The following ULK4 variants were observed in gnomAD, a reference collection of about 807,000 sequenced individuals.
ULK4 encodes unc-51 like kinase 4.
Under a neutral mutation model 160.6 loss-of-function variants are expected in ULK4, and 133 were observed. The ratio of observed to expected loss-of-function variants is 0.83; its 90% CI spans 0.72 to 0.96. The LOEUF (loss-of-function observed/expected upper bound fraction) is 0.96, where lower values mean the gene tolerates loss of function less well. ULK4 is among the 40% of genes least tolerant of loss of function. The pLI is 0.00. For synonymous variants in ULK4, 534 were observed against 539.8 expected (o/e 0.99, Z 0.15); for missense variants, 1,580 against 1,499.5 (o/e 1.05, Z -0.89).
intron 34 of ULK4, among the ~76,000 whole-genome samples, chr3:41,434,328 T>A (rs1173905646): frequency 6.6e-6 from 1 of 152,204 alleles, no homozygotes; most frequent in Non-Finnish European, 1.5e-5. Flanking sequence ...TATGTACTGA[T>A]ATGGAAATTT....
intron 35 of ULK4, among the ~76,000 whole-genome samples, chr3:41,273,571 T>A (rs542525284): frequency 7.2e-5 from 11 of 152,292 alleles, no homozygotes; most frequent in Middle Eastern, 3.4e-3. Context: ...CTCAGCTCTG[T>A]CTTCTGAACA....
intron 31 of ULK4, among the ~76,000 whole-genome samples, chr3:41,584,121 T>C (rs1338645904): frequency 2.0e-5 from 3 of 152,136 alleles, no homozygotes; most frequent in Non-Finnish European, 4.4e-5. Flanking sequence ...CTCTGATTTA[T>C]AAAGAATGGT....
At chr3:41,433,377 A>C (rs2082957885) in intron 34 of ULK4, among the ~76,000 whole-genome samples, 1 of 152,190 alleles carries the variant, frequency 6.6e-6, no homozygotes, top group Non-Finnish European at 1.5e-5. Flanking sequence ...TTTTGATGAG[A>C]ATGAAAACTG....
At chr3:41,324,752 C>G (rs767276662) in intron 35 of ULK4, among the ~76,000 whole-genome samples, 4 of 152,178 alleles carry the variant, frequency 2.6e-5, no homozygotes, top group Non-Finnish European at 2.9e-5. Context: ...GGGCCTCCAC[C>G]TGCCAGCATT....
At chr3:41,798,162 G>A (rs2040356452) in intron 20 of ULK4, among the ~76,000 whole-genome samples, 1 of 149,774 alleles carries the variant, frequency 6.7e-6, no homozygotes, top group Admixed American at 6.6e-5. Flanking sequence ...GACTTTGGTG[G>A]GAACTATTGA....
At chr3:41,942,910 T>C (rs1163321254) in intron 2 of ULK4, among the ~76,000 whole-genome samples, 3 of 151,802 alleles carry the variant, frequency 2.0e-5, no homozygotes, top group Non-Finnish European at 2.9e-5. Flanking sequence ...ATACTGGCTT[T>C]AGAAATATAT....
At chr3:41,585,861 A>G (rs1283197358) in intron 31 of ULK4, among the ~76,000 whole-genome samples, 1 of 152,210 alleles carries the variant, frequency 6.6e-6, no homozygotes, top group Non-Finnish European at 1.5e-5. Context: ...TTGAATAGAC[A>G]ATTCTCTAAA....
At chr3:41,300,860 T>C (rs1213541777) in intron 35 of ULK4, among the ~76,000 whole-genome samples, 6 of 109,046 alleles carry the variant, frequency 5.5e-5, no homozygotes, top group African/African-American at 2.9e-4. Flanking sequence ...TATATATATA[T>C]ATATATATAT....
chr3:41,832,155 C>A (rs1438283893), intron 18 of ULK4, among the ~76,000 whole-genome samples: 1 of 152,184 alleles, frequency 6.6e-6, no homozygotes, highest in Non-Finnish European at 1.5e-5. Context: ...TACATTCCCA[C>A]CAACAGTCCA....
At chr3:41,301,889 C>T (rs959288278) in intron 35 of ULK4, among the ~76,000 whole-genome samples, 7 of 152,038 alleles carry the variant, frequency 4.6e-5, no homozygotes, top group African/African-American at 1.7e-4. Context: ...ACAATCTTGG[C>T]TTTTTGATTA....
At chr3:41,908,541 G>A (rs13076952) in intron 11 of ULK4, among the ~76,000 whole-genome samples, 103,593 of 151,740 alleles carry the variant, frequency 0.68, 39,008 homozygotes, top group East Asian at 0.84. Flanking sequence ...CACCTCCTGG[G>A]TTCAAGCAAT....
intron 23 of ULK4, among the ~76,000 whole-genome samples, chr3:41,717,093 G>A (rs553397775): frequency 8.9e-4 from 136 of 152,204 alleles, no homozygotes; most frequent in Non-Finnish European, 1.4e-3. Flanking sequence ...CAAAGGGTAT[G>A]AACATACAGT....
chr3:41,609,490 G>A (rs568718885), intron 31 of ULK4, among the ~76,000 whole-genome samples: 1 of 152,086 alleles, frequency 6.6e-6, no homozygotes, highest in Admixed American at 6.5e-5. Context: ...TACTTTAATG[G>A]TGGTATATGT....
intron 35 of ULK4, among the ~76,000 whole-genome samples, chr3:41,352,380 AT>A (rs1483885421): frequency 6.6e-6 from 1 of 152,178 alleles, no homozygotes; most frequent in African/African-American, 2.4e-5. Flanking sequence ...ACTAGTACTT[AT>A]TACAGAATTT....
At chr3:41,610,650 A>T (rs55941449) in intron 31 of ULK4, among the ~76,000 whole-genome samples, 21,171 of 152,270 alleles carry the variant, frequency 0.14, 1,892 homozygotes, top group South Asian at 0.23. Flanking sequence ...TGAAAGATTT[A>T]CTGAAGCTTG....
At chr3:41,961,177 T>G (rs942362651) in intron 1 of ULK4, among the ~76,000 whole-genome samples, 2 of 151,882 alleles carry the variant, frequency 1.3e-5, no homozygotes, top group Non-Finnish European at 2.9e-5. Context: ...CATTTAAGAG[T>G]CGGGGGCAGG....
At chr3:41,358,827 G>A (rs949153248) in intron 35 of ULK4, among the ~76,000 whole-genome samples, 2 of 152,134 alleles carry the variant, frequency 1.3e-5, no homozygotes, top group African/African-American at 4.8e-5. Flanking sequence ...TTCAGAGGAT[G>A]GCTCTGGCTG....
At position 41,405,182 on chromosome 3, in the gene ULK4, A is replaced by G. The variant is rs367691910; in HGVS notation, c.3493-6918T>C. Among the ~76,000 whole-genome samples, 37 of 152,136 alleles carry G rather than the reference A, an allele frequency of 2.4e-4. No individual in the cohort carries two copies. In the East Asian group the frequency reaches 6.6e-3, roughly 27 times the overall value. On this transcript the variant is annotated intron_variant, in intron 34 of 36. Transcript: ENST00000301831. ...GTCTATTTTTGCCATCTTTATGTCC[A>G]CGAATACCCAGTGTTTAGCTCCCAT...
At chr3:41,673,340 G>T (rs9876835) in intron 29 of ULK4, among the ~76,000 whole-genome samples, 15,702 of 151,980 alleles carry the variant, frequency 0.1, 1,803 homozygotes, top group African/African-American at 0.28. Context: ...GTAGTCAAAC[G>T]CACGACTTTT....
Sources: gnomAD v4.1 joint callset for allele counts (sites outside exome capture counted in the v4.1 genomes callset) on GRCh38, gnomAD v4.1.1 for gene constraint, MANE v1.5 for transcripts, NCBI Gene and HGNC (gene_info 2026-07-23, HGNC 2026-07-21) for gene names.